The following MEIS2 variants were observed in gnomAD, a reference collection of about 807,000 sequenced individuals.
MEIS2 encodes the protein Meis homeobox 2.
In MEIS2, 9 loss-of-function variants were observed where a neutral mutation model predicts 58.6. The ratio of observed to expected loss-of-function variants is 0.15; its 90% CI spans 0.09 to 0.27. The LOEUF (loss-of-function observed/expected upper bound fraction) is 0.27, where lower values mean the gene tolerates loss of function less well. Among genes scored for constraint, MEIS2 ranks in the 10% least tolerant of loss-of-function variants. The pLI is 1.00. For synonymous variants in MEIS2, 221 were observed against 228.4 expected (o/e 0.97, Z 0.29); for missense variants, 427 against 635.0 (o/e 0.67, Z 3.52).
At chr15:37,062,429 T>G (rs1889339261) in intron 7 of MEIS2, among the ~76,000 whole-genome samples, 1 of 152,172 alleles carries the variant, frequency 6.6e-6, no homozygotes, top group Non-Finnish European at 1.5e-5. Context: ...AAGTTTTAGT[T>G]GCAAAAACAT....
At chr15:37,047,554 C>G (rs572031686) in intron 7 of MEIS2, among the ~76,000 whole-genome samples, 1 of 152,200 alleles carries the variant, frequency 6.6e-6, no homozygotes, top group South Asian at 2.1e-4. Flanking sequence ...TAATTAGGAG[C>G]CTTGAAGTTG....
At chr15:36,962,053 G>C (rs535578136) in intron 8 of MEIS2, among the ~76,000 whole-genome samples, 3 of 152,162 alleles carry the variant, frequency 2.0e-5, no homozygotes, top group Non-Finnish European at 4.4e-5. Flanking sequence ...AAATTCAACT[G>C]GTATGAACCA....
At chr15:37,098,678 G>A (rs975855530) in intron 1 of MEIS2, 2 of 196,106 alleles carry the variant, frequency 1.0e-5, no homozygotes, top group African/African-American at 4.7e-5. Flanking sequence ...GCCAACGGAG[G>A]GAGAAGTGGA....
At position 37,083,696 on chromosome 15, in the gene MEIS2, T is replaced by C. The variant is rs1892531104; in HGVS notation, c.754+75A>G. 6 of 1,206,900 alleles carry C rather than the reference T, an allele frequency of 5.0e-6. No homozygotes were observed. In the East Asian group the frequency reaches 1.5e-4, roughly 29 times the overall value. The allele number at this position is 1,206,900 out of a possible 1,614,324, so 74.8% of individuals were successfully genotyped here. ...ACTCTCCTGTTTACATGGCGGCAGATGTACTGATATCATAAAATACTGAAG... is the reference window on the plus strand; with the variant it reads ...ACTCTCCTGTTTACATGGCGGCAGACGTACTGATATCATAAAATACTGAAG... On this transcript the variant is annotated intron_variant, in intron 7 of 11. Coordinates refer to ENST00000561208, the MANE Select transcript of MEIS2 (RefSeq NM_170675.5).
intron 7 of MEIS2, among the ~76,000 whole-genome samples, chr15:37,038,892 G>C (rs191915551): frequency 1.3e-5 from 2 of 152,296 alleles, no homozygotes; most frequent in East Asian, 3.9e-4. Flanking sequence ...ACCATGCCAA[G>C]GAACTGCTGC....
chr15:36,960,901 G>A (rs1156391082), intron 8 of MEIS2, among the ~76,000 whole-genome samples: 3 of 152,092 alleles, frequency 2.0e-5, no homozygotes, highest in African/African-American at 7.2e-5. Context: ...AGTAAATAAA[G>A]CAATCAACTA....
In MEIS2 at chr15:36,892,382, G is replaced by C; in HGVS notation, c.1225C>G (p.Pro409Ala). Residue 409 changes from proline to alanine, a missense_variant, in exon 12 of 12, where the codon CCT (proline) becomes GCT (alanine). Physicochemically the swap from Pro to Ala is conservative, Grantham distance 27. Coordinates refer to ENST00000561208, the MANE Select transcript of MEIS2 (RefSeq NM_170675.5). ...GTAGGGTGTGGGGTCATCTGGGGAG[G>C]AGTGTAACTTGGCTGTGCCATACTC... Reference protein sequence around the residue: ...GMSMAQPSYTPPQMTPHPTQL... With the variant: ...GMSMAQPSYTAPQMTPHPTQL... The C allele has an allele frequency of 6.2e-7, 1 of 1,613,954 alleles. No individual in the cohort carries two copies. The highest frequency in any genetic ancestry group is 1.1e-5 in the South Asian group (1 of 91,066).
intron 7 of MEIS2, among the ~76,000 whole-genome samples, chr15:37,065,400 T>C (rs954046802): frequency 6.6e-6 from 1 of 152,176 alleles, no homozygotes; most frequent in Non-Finnish European, 1.5e-5. Context: ...TTGGCTCTTT[T>C]TTATTTTGTA....
At chr15:37,062,812 A>G (rs1889401268) in intron 7 of MEIS2, among the ~76,000 whole-genome samples, 1 of 152,252 alleles carries the variant, frequency 6.6e-6, no homozygotes, top group Non-Finnish European at 1.5e-5. Context: ...ATTGGAAACC[A>G]GTGATTTCTG....
rs531136447 is a variant in MEIS2 at position 36,893,305 on chromosome 15, T to G, written c.1148-846A>C. 1.0e-3 allele frequency among the ~76,000 whole-genome samples: 152 copies of G among 152,336 alleles called. 1 individual carries two copies. Among genetic ancestry groups the G allele is most frequent in the Non-Finnish European group, 1.6e-3 (112 of 68,022 alleles). On this transcript the variant is annotated intron_variant, in intron 11 of 11. Coordinates refer to ENST00000561208, the MANE Select transcript of MEIS2 (RefSeq NM_170675.5). ...CTAAAAGGACAGCTTTATTCACCTC[T>G]ATTTAACCTCCAGTGCATACAGTTG...
At chr15:36,906,174 G>A (rs1160672527) in intron 9 of MEIS2, among the ~76,000 whole-genome samples, 3 of 152,182 alleles carry the variant, frequency 2.0e-5, no homozygotes, top group Admixed American at 2.0e-4. Flanking sequence ...TGATTAACAC[G>A]CAATCTGGTA....
intron 8 of MEIS2, among the ~76,000 whole-genome samples, chr15:36,981,360 A>G (rs966727964): frequency 2.0e-5 from 3 of 151,952 alleles, no homozygotes; most frequent in African/African-American, 7.2e-5. Flanking sequence ...TATACCATTT[A>G]CTAGTTATTT....
At chr15:37,019,618 G>A (rs556666906) in intron 8 of MEIS2, among the ~76,000 whole-genome samples, 4 of 152,274 alleles carry the variant, frequency 2.6e-5, no homozygotes, top group East Asian at 3.9e-4. Flanking sequence ...CAAAGAGAAA[G>A]CAAAATATCT....
At chr15:37,067,747 G>A (rs1430737471) in intron 7 of MEIS2, among the ~76,000 whole-genome samples, 1 of 152,068 alleles carries the variant, frequency 6.6e-6, no homozygotes, top group Non-Finnish European at 1.5e-5. Context: ...ATGTTTGTAT[G>A]TCTGTGTTAT....
chr15:36,919,898 C>A (rs2057428249), intron 9 of MEIS2, among the ~76,000 whole-genome samples: 1 of 152,102 alleles, frequency 6.6e-6, no homozygotes, highest in African/African-American at 2.4e-5. Context: ...AGCATAAACA[C>A]AATAGGTGGA....
intron 7 of MEIS2, among the ~76,000 whole-genome samples, chr15:37,078,312 G>A (rs2141896835): frequency 6.6e-6 from 1 of 151,588 alleles, no homozygotes; most frequent in African/African-American, 2.4e-5. Flanking sequence ...TGGCAAGAAG[G>A]GTAAAAAGAA....
intron 7 of MEIS2, among the ~76,000 whole-genome samples, chr15:37,066,777 C>T (rs1266098630): frequency 6.6e-6 from 1 of 152,018 alleles, no homozygotes; most frequent in Non-Finnish European, 1.5e-5. Flanking sequence ...TTAAGAGCAA[C>T]TAACTTTATT....
chr15:37,043,651 G>A (rs1295751877), intron 7 of MEIS2, among the ~76,000 whole-genome samples: 1 of 145,280 alleles, frequency 6.9e-6, no homozygotes, highest in East Asian at 2.0e-4. Context: ...TCAGTAACCA[G>A]TTCTCTATCT....
At chr15:36,951,950 T>C (rs919387606) in intron 8 of MEIS2, among the ~76,000 whole-genome samples, 32 of 152,096 alleles carry the variant, frequency 2.1e-4, no homozygotes, top group African/African-American at 6.3e-4. Context: ...ACAGGATAAA[T>C]TGGAATCCAC....
Sources: allele counts gnomAD v4.1 joint callset (sites outside exome capture counted in the v4.1 genomes callset), GRCh38; gene constraint gnomAD v4.1.1; transcripts MANE v1.5; gene names NCBI Gene and HGNC (gene_info 2026-07-23, HGNC 2026-07-21).